HSPA4L: variants seen among roughly 807,000 people sequenced by gnomAD.
HSPA4L encodes heat shock 70 kDa protein 4L.
HSPA4L carries 48 observed loss-of-function variants against 100.3 expected under a neutral mutation model. The ratio of observed to expected loss-of-function variants is 0.48; its 90% CI spans 0.38 to 0.61. The LOEUF (loss-of-function observed/expected upper bound fraction) is 0.61, where lower values mean the gene tolerates loss of function less well. HSPA4L is among the 20% of genes least tolerant of loss of function. The pLI is 0.00. For synonymous variants in HSPA4L, 319 were observed against 328.2 expected (o/e 0.97, Z 0.30); for missense variants, 886 against 988.6 (o/e 0.90, Z 1.39).
At position 127,831,225 on chromosome 4, in the gene HSPA4L, C is replaced by T. The variant is rs545627212; in HGVS notation, c.2328+426C>T. Among the ~76,000 whole-genome samples, 4 of 152,096 alleles carry T rather than the reference C, an allele frequency of 2.6e-5. No individual in the cohort carries two copies. The South Asian group carries it at 6.2e-4, about 24-fold the overall frequency. On this transcript the variant is annotated intron_variant, in intron 18 of 18. Transcript: ENST00000296464. ...ACTGCTAATGAAAATGTTGGCCAGGCGTGGTGGCTCACGTCTGTAATCCCA... is the reference window on the plus strand; with the variant it reads ...ACTGCTAATGAAAATGTTGGCCAGGTGTGGTGGCTCACGTCTGTAATCCCA...
chr4:127,783,279 A>G (rs1732618229), intron 1 of HSPA4L, among the ~76,000 whole-genome samples: 1 of 151,840 alleles, frequency 6.6e-6, no homozygotes, highest in African/African-American at 2.4e-5. Context: ...TTACAGGGCC[A>G]GGTCAATGGT....
chr4:127,803,812 G>C lies in HSPA4L; in HGVS notation c.847G>C (p.Asp283His). The change falls in exon 7 of 19, where the codon GAT becomes CAT. Residue 283 changes from aspartate to histidine, a missense_variant. Coordinates refer to ENST00000296464, the MANE Select transcript of HSPA4L (RefSeq NM_014278.4). Reference sequence around the variant, plus strand: ...GAAGCTAATGAGTGCAAATGCATCAGATCTTCCATTGAACATTGAGTGTTT... The same window carrying C: ...GAAGCTAATGAGTGCAAATGCATCACATCTTCCATTGAACATTGAGTGTTT... Reference protein sequence around the residue: ...LKKLMSANASDLPLNIECFMN... With the variant: ...LKKLMSANASHLPLNIECFMN... 1 of 1,613,850 alleles carries C rather than the reference G, an allele frequency of 6.2e-7. No homozygotes were observed. The highest frequency in any genetic ancestry group is 1.7e-5 in the Admixed American group (1 of 59,996).
chr4:127,804,698 A>G (rs1733301689), intron 8 of HSPA4L, among the ~76,000 whole-genome samples: 1 of 152,066 alleles, frequency 6.6e-6, no homozygotes, highest in African/African-American at 2.4e-5. Flanking sequence ...TGATTCTAAA[A>G]TGAAATTAAT....
chr4:127,820,466 A>C lies in HSPA4L; in HGVS notation c.1713A>C (p.Thr571=). 1.2e-6 allele frequency: 2 copies of C among 1,604,532 alleles called. No homozygotes were observed. Among genetic ancestry groups the C allele is most frequent in the Non-Finnish European group, 1.7e-6 (2 of 1,176,238 alleles). The change falls in exon 14 of 19, where the codon ACA becomes ACC. Residue 571 remains threonine, a synonymous_variant. Coordinates refer to ENST00000296464, the MANE Select transcript of HSPA4L (RefSeq NM_014278.4). Reference sequence around the variant, plus strand: ...ACAAACAAGACCGATTAAATCAGACACTTAAAAAAGGAAAAGTCAAAAGTA... The same window carrying C: ...ACAAACAAGACCGATTAAATCAGACCCTTAAAAAAGGAAAAGTCAAAAGTA... ...VSDKQDRLNQ[T]LKKGKVKSID...
intron 12 of HSPA4L, among the ~76,000 whole-genome samples, chr4:127,815,068 A>T (rs371733730): frequency 4.8e-4 from 73 of 152,204 alleles, no homozygotes; most frequent in Middle Eastern, 3.4e-3. Context: ...ATCCTAGCTG[A>T]TGGTATTGCT....
At chr4:127,815,753 T>C (rs1336536989) in intron 12 of HSPA4L, among the ~76,000 whole-genome samples, 1 of 152,146 alleles carries the variant, frequency 6.6e-6, no homozygotes, top group Non-Finnish European at 1.5e-5. Flanking sequence ...ACTTACAGTC[T>C]AGTGGGAGAG....
In HSPA4L at chr4:127,807,033, G is replaced by C. The variant is rs545681648; in HGVS notation, c.1245-963G>C. ...TCAGTTTCAAGGTATAAGTGATCCA[G>C]AAAAAAATTGTAAGAAAACGTATGG... On this transcript the variant is annotated intron_variant, in intron 10 of 18. Transcript: ENST00000296464. Among the ~76,000 whole-genome samples the C allele has an allele frequency of 2.6e-5, 4 of 151,886 alleles. No homozygotes were observed. In the South Asian group the frequency reaches 8.3e-4, roughly 32 times the overall value.
At chr4:127,827,271 ATT>A in intron 16 of HSPA4L, 32 bp from the exon 17 acceptor site, 1 of 1,587,084 alleles carries the variant, frequency 6.3e-7, no homozygotes, top group African/African-American at 1.4e-5. Context: ...AAACTCAAAA[ATT>A]TTTCTTCTTT....
chr4:127,823,659 A>G, intron 16 of HSPA4L, 35 bp downstream of exon 16: 1 of 1,366,832 alleles, frequency 7.3e-7, no homozygotes, highest in Non-Finnish European at 1.0e-6. Flanking sequence ...AGTATAAACC[A>G]GTAACTTTTT....
In HSPA4L at chr4:127,812,136, G is replaced by A. The variant is rs183517392; in HGVS notation, c.1578+500G>A. Among the ~76,000 whole-genome samples, 39 of 152,186 alleles carry A rather than the reference G, an allele frequency of 2.6e-4. No homozygotes were observed. In the East Asian group the frequency reaches 6.6e-3, roughly 26 times the overall value. ...TTAAAGTACAGATTTTTGGCCGGGC[G>A]CAGTAGCTCACGCCTGTAATCGCAG... On this transcript the variant is annotated intron_variant, in intron 12 of 18. Coordinates refer to ENST00000296464, the MANE Select transcript of HSPA4L (RefSeq NM_014278.4).
In HSPA4L at chr4:127,830,726, T is replaced by G; in HGVS notation, c.2255T>G (p.Met752Arg). 1.9e-6 allele frequency: 3 copies of G among 1,611,070 alleles called. No homozygotes were observed. Among genetic ancestry groups the G allele is most frequent in the Non-Finnish European group, 2.5e-6 (3 of 1,178,698 alleles). ...GCCATGAGTTGGCTGAATAGTAAGA[T>G]GAATGCACAGAACAAACTAAGTCTC... ...SDAMSWLNSK[M>R]NAQNKLSLTQ... Residue 752 changes from methionine (M) to arginine (R), a missense_variant, in exon 18 of 19, where the codon ATG becomes AGG. By Grantham distance (91) the Met-to-Arg change is moderately conservative (BLOSUM62 -1). Transcript: ENST00000296464.
In HSPA4L at chr4:127,830,620, C is replaced by CT. The variant is rs564089588; in HGVS notation, c.2167-7dup. 8,828 of 1,193,230 alleles carry CT rather than the reference C, an allele frequency of 7.4e-3. No homozygotes were observed. The highest frequency in any genetic ancestry group is 0.014 in the South Asian group (869 of 63,106). 73.9% of individuals were successfully genotyped at this position (1,193,230 alleles called of 1,614,324 possible). ...GAAAAATCATTAACATGCAGTCAAG[C>CT]TTTTTTTTTTTAAATAGGATGAAAG... On this transcript the variant is annotated splice_polypyrimidine_tract_variant and intron_variant, in intron 17 of 18. Transcript: ENST00000296464.
At chr4:127,819,109 T>A (rs554862102) in intron 13 of HSPA4L, among the ~76,000 whole-genome samples, 1 of 152,318 alleles carries the variant, frequency 6.6e-6, no homozygotes, top group East Asian at 1.9e-4. Flanking sequence ...CTGTACTCTA[T>A]ATCTCAGAAT....
upstream of HSPA4L, chr4:127,781,869 A>G (rs981380292): frequency 3.0e-6 from 1 of 333,802 alleles, no homozygotes; most frequent in African/African-American, 2.2e-5. Flanking sequence ...TTCTGAGGGC[A>G]GGGGGTGAGG....
intron 12 of HSPA4L, among the ~76,000 whole-genome samples, chr4:127,813,866 G>C (rs2148792951): frequency 6.6e-6 from 1 of 152,238 alleles, no homozygotes; most frequent in East Asian, 1.9e-4. Context: ...GGATGGTCTT[G>C]ATCTCCTGAC....
At chr4:127,785,927 A>G (rs2148773770) in intron 1 of HSPA4L, among the ~76,000 whole-genome samples, 1 of 152,354 alleles carries the variant, frequency 6.6e-6, no homozygotes, top group South Asian at 2.1e-4. Flanking sequence ...TAGAAGTAGA[A>G]TTACTGAGTG....
chr4:127,791,421 TCCC>T (rs1732871771), intron 1 of HSPA4L, among the ~76,000 whole-genome samples: 2 of 151,774 alleles, frequency 1.3e-5, no homozygotes, highest in African/African-American at 4.8e-5. Flanking sequence ...GACAAAAGAG[TCCC>T]TGCATTCAAA....
intron 1 of HSPA4L, among the ~76,000 whole-genome samples, chr4:127,788,852 C>G (rs960308739): frequency 3.3e-5 from 5 of 152,306 alleles, no homozygotes; most frequent in South Asian, 2.1e-4. Context: ...AAATCCTGCT[C>G]TGTACACATC....
intron 4 of HSPA4L, among the ~76,000 whole-genome samples, chr4:127,800,033 A>G (rs551153965): frequency 2.4e-4 from 36 of 152,368 alleles, no homozygotes; most frequent in African/African-American, 8.4e-4. Flanking sequence ...GTTGTTTTAT[A>G]TGTAAATACA....
Sources: gnomAD v4.1 joint callset for allele counts (sites outside exome capture counted in the v4.1 genomes callset) on GRCh38, gnomAD v4.1.1 for gene constraint, MANE v1.5 for transcripts, NCBI Gene and HGNC (gene_info 2026-07-23, HGNC 2026-07-21) for gene names.